The following PCDHAC1 variants were observed in gnomAD, a reference collection of about 807,000 sequenced individuals.
PCDHAC1 encodes protocadherin alpha-C1.
Under a neutral mutation model 60.0 loss-of-function variants are expected in PCDHAC1, and 42 were observed. The ratio of observed to expected loss-of-function variants is 0.70; its 90% confidence interval spans 0.55 to 0.90. The LOEUF (loss-of-function observed/expected upper bound fraction) is 0.90. Among genes scored for constraint, PCDHAC1 ranks in the 40% least tolerant of loss-of-function variants. The pLI is 0.00. For missense variants in PCDHAC1, 1,160 were observed against 1,222.3 expected (o/e 0.95, Z 0.76); for synonymous variants, 468 against 499.3 (o/e 0.94, Z 0.84).
chr5:140,974,057 G>A (rs1302269611), intron 1 of PCDHAC1, among the ~76,000 whole-genome samples: 1 of 152,154 alleles, frequency 6.6e-6, no homozygotes, highest in Non-Finnish European at 1.5e-5. Flanking sequence ...ATAATATTTG[G>A]AGCAGTATAA....
At chr5:140,968,852 A>G (rs1554231175) in intron 1 of PCDHAC1, 1 of 1,614,196 alleles carries the variant, frequency 6.2e-7, no homozygotes, top group Non-Finnish European at 8.5e-7. Flanking sequence ...GAGGCATGTT[A>G]AGAGCCCTCG....
At chr5:140,967,730 G>A (rs2096176474) in intron 1 of PCDHAC1, 1 of 1,614,146 alleles carries the variant, frequency 6.2e-7, no homozygotes, top group Non-Finnish European at 8.5e-7. Context: ...AGTAATTGGG[G>A]GGCTGGATTA....
chr5:140,971,000 T>G (rs1409787417), intron 1 of PCDHAC1, among the ~76,000 whole-genome samples: 2 of 152,196 alleles, frequency 1.3e-5, no homozygotes, highest in African/African-American at 4.8e-5. Flanking sequence ...ATCAAAGAGT[T>G]TCCAGAAGTC....
At chr5:140,965,288 T>C (rs1020237812) in intron 1 of PCDHAC1, among the ~76,000 whole-genome samples, 5 of 152,216 alleles carry the variant, frequency 3.3e-5, no homozygotes, top group Non-Finnish European at 7.3e-5. Flanking sequence ...CATGGAAAGA[T>C]TTCCTCTGAT....
intron 1 of PCDHAC1, chr5:140,967,360 G>T: frequency 6.2e-7 from 1 of 1,607,656 alleles, no homozygotes. Flanking sequence ...TGGACCTTAA[G>T]CCCCTGCAGG....
At chr5:140,946,629 T>TATATATATATATAC (rs1367833800) in intron 1 of PCDHAC1, among the ~76,000 whole-genome samples, 1 of 123,274 alleles carries the variant, frequency 8.1e-6, no homozygotes, top group Admixed American at 8.1e-5. Flanking sequence ...TATATATATA[T>TATATATATATATAC]ATACAATGGA....
At chr5:140,962,280 A>C (rs1244354033) in intron 1 of PCDHAC1, among the ~76,000 whole-genome samples, 1 of 152,224 alleles carries the variant, frequency 6.6e-6, no homozygotes, top group Non-Finnish European at 1.5e-5. Flanking sequence ...AAAAAACCTC[A>C]ACCTTTAATA....
intron 1 of PCDHAC1, among the ~76,000 whole-genome samples, chr5:140,960,750 A>C (rs1367583531): frequency 6.6e-6 from 1 of 152,048 alleles, no homozygotes; most frequent in African/African-American, 2.4e-5. Context: ...CATGGCTAAA[A>C]TCCCAAGAGT....
chr5:140,993,238 T>A (rs896841031), intron 3 of PCDHAC1, among the ~76,000 whole-genome samples: 1 of 152,182 alleles, frequency 6.6e-6, no homozygotes, highest in African/African-American at 2.4e-5. Context: ...TCTCTGAATC[T>A]GGGGATTTAG....
chr5:140,967,539 A>G (rs1554229656), intron 1 of PCDHAC1: 2 of 1,613,730 alleles, frequency 1.2e-6, no homozygotes, highest in African/African-American at 1.3e-5. Flanking sequence ...CCTGCCTTTG[A>G]CCAGTCCACT....
At chr5:140,962,601 C>T (rs1227208523) in intron 1 of PCDHAC1, among the ~76,000 whole-genome samples, 1 of 152,160 alleles carries the variant, frequency 6.6e-6, no homozygotes, top group African/African-American at 2.4e-5. Context: ...TGATATATTT[C>T]TTCTGGAGGA....
chr5:140,959,055 C>A (rs2095463398), intron 1 of PCDHAC1, among the ~76,000 whole-genome samples: 1 of 151,914 alleles, frequency 6.6e-6, no homozygotes, highest in African/African-American at 2.4e-5. Flanking sequence ...GGAAAAAATG[C>A]AGTATATATA....
At chr5:140,934,437 T>C (rs950173265) in intron 1 of PCDHAC1, among the ~76,000 whole-genome samples, 4 of 152,298 alleles carry the variant, frequency 2.6e-5, no homozygotes, top group Admixed American at 6.5e-5. Context: ...AGTGTAAATA[T>C]AGTGAAAAAT....
In PCDHAC1 at chr5:140,982,560, C is replaced by G. The variant is rs782437404; in HGVS notation, c.2578C>G (p.Pro860Ala). The G allele has an allele frequency of 5.6e-6, 9 of 1,614,098 alleles. No homozygotes were observed. Among genetic ancestry groups the G allele is most frequent in the South Asian group, 4.4e-5 (4 of 91,078 alleles). ...QQWPTVSSAT[P>A]EPEAGEVSPP... ...GTGGCCAACAGTATCCAGTGCAACA[C>G]CAGGTAAAGAGCTGGGGTCTCTCCA... Residue 860 changes from proline to alanine, a missense_variant, in exon 3 of 4, where the codon CCA (proline) becomes GCA (alanine). Physicochemically the swap from Pro to Ala is conservative, Grantham distance 27. Coordinates refer to ENST00000253807, the MANE Select transcript of PCDHAC1 (RefSeq NM_018898.5).
At chr5:140,931,602 T>C (rs1192023680) in intron 1 of PCDHAC1, among the ~76,000 whole-genome samples, 12 of 152,084 alleles carry the variant, frequency 7.9e-5, no homozygotes, top group Non-Finnish European at 1.2e-4. Flanking sequence ...TTTTCCATCA[T>C]TGTTGATATT....
In PCDHAC1 at chr5:140,926,585, G is replaced by T; in HGVS notation, c.-308G>T. On this transcript the variant is annotated 5_prime_UTR_variant, in exon 1 of 4. Coordinates refer to ENST00000253807, the MANE Select transcript of PCDHAC1 (RefSeq NM_018898.5). Reference sequence around the variant, plus strand: ...TGCTACTGGAGACAGCACCTCTCGCGCCCGGGCGGGCGGCCTCGTCTCTGC... The same window carrying T: ...TGCTACTGGAGACAGCACCTCTCGCTCCCGGGCGGGCGGCCTCGTCTCTGC... 1 of 283,896 alleles carries T rather than the reference G, an allele frequency of 3.5e-6. No homozygotes were observed. The highest frequency in any genetic ancestry group is 6.5e-6 in the Non-Finnish European group (1 of 154,406). The allele number at this position is 283,896 out of a possible 1,614,324, so 17.6% of individuals were successfully genotyped here.
rs139717123 is a variant in PCDHAC1, at chr5:140,967,213, G to A, written c.2434-11736G>A. 8 of 1,613,598 alleles carry A rather than the reference G, an allele frequency of 5.0e-6. No individual in the cohort carries two copies. The African/African-American group carries it at 8.0e-5, about 16-fold the overall frequency. On this transcript the variant is annotated intron_variant, in intron 1 of 3. Coordinates refer to ENST00000253807, the MANE Select transcript of PCDHAC1 (RefSeq NM_018898.5). ...TCAACGACAACTCACCGCGTTTCCC[G>A]CGGCCCAACTACCAGCTTCAGGTAA...
intron 1 of PCDHAC1, among the ~76,000 whole-genome samples, chr5:140,953,761 A>C (rs1016551787): frequency 6.6e-6 from 1 of 152,202 alleles, no homozygotes; most frequent in Non-Finnish European, 1.5e-5. Flanking sequence ...TCCAAGAATT[A>C]AATTTAATAT....
rs1488505557 is a variant in PCDHAC1 at position 140,967,448 on chromosome 5, A to G, written c.2434-11501A>G. The G allele has an allele frequency of 6.8e-6, 11 of 1,613,462 alleles. No individual in the cohort carries two copies. Among genetic ancestry groups the G allele is most frequent in the Non-Finnish European group, 9.3e-6 (11 of 1,179,888 alleles). On this transcript the variant is annotated intron_variant, in intron 1 of 3. Transcript: ENST00000253807. ...GGCAGCCTTGCACCACCTGGTTCTC[A>G]CAGCCGTGGATGGGGGCATCCCAGC...
Sources: allele counts gnomAD v4.1 joint callset (sites outside exome capture counted in the v4.1 genomes callset), GRCh38; gene constraint gnomAD v4.1.1; transcripts MANE v1.5; gene names NCBI Gene and HGNC (gene_info 2026-07-23, HGNC 2026-07-21).